COL24A1: variants seen among roughly 807,000 people sequenced by gnomAD.
COL24A1 encodes the protein collagen type XXIV alpha 1 chain.
Under a neutral mutation model 253.9 loss-of-function variants are expected in COL24A1, and 224 were observed. That is an observed-to-expected ratio of 0.88 (90% CI 0.79 to 0.99). The LOEUF (loss-of-function observed/expected upper bound fraction) is 0.99, where lower values mean the gene tolerates loss of function less well. Ranked by LOEUF, COL24A1 falls within the 50% of genes least tolerant of loss-of-function variation. COL24A1 has a pLI of 0.00. For missense variants in COL24A1, 2,131 were observed against 2,068.5 expected, an observed-to-expected ratio of 1.03 and a Z score of -0.59; for synonymous variants, 685 against 673.7, an observed-to-expected ratio of 1.02 and a Z score of -0.26.
chr1:86,143,277 A>G lies in COL24A1; in HGVS notation c.121+2842T>C, dbSNP rs1572067063. ...GAAGCTTAGAGAACTACTGGTCCATAGCAGAGCAGAATTTTAGCATGCAGA... is the reference window on the plus strand; with the variant it reads ...GAAGCTTAGAGAACTACTGGTCCATGGCAGAGCAGAATTTTAGCATGCAGA... On this transcript the variant is annotated intron_variant, in intron 2 of 59. Transcript: ENST00000370571. 3.3e-5 allele frequency among the ~76,000 whole-genome samples: 5 copies of G among 152,236 alleles called. No individual in the cohort carries two copies. The South Asian group carries it at 6.2e-4, about 19-fold the overall frequency.
At chr1:86,082,389 T>C (rs1362571903) in intron 7 of COL24A1, among the ~76,000 whole-genome samples, 1 of 152,122 alleles carries the variant, frequency 6.6e-6, no homozygotes, top group African/African-American at 2.4e-5. Context: ...GCATTATCTA[T>C]GTGTAGATAG....
intron 11 of COL24A1, among the ~76,000 whole-genome samples, chr1:86,047,921 A>G (rs1316137782): frequency 6.6e-6 from 1 of 152,156 alleles, no homozygotes; most frequent in Non-Finnish European, 1.5e-5. Flanking sequence ...CAGGTAAGTT[A>G]GAAGACATCA....
intron 53 of COL24A1, among the ~76,000 whole-genome samples, chr1:85,765,957 A>G (rs764183370): frequency 2.6e-5 from 4 of 152,116 alleles, no homozygotes; most frequent in Non-Finnish European, 5.9e-5. Flanking sequence ...AACTTTCAGG[A>G]TTTATTTGGC....
At chr1:86,007,512 C>T (rs1377784216) in intron 19 of COL24A1, among the ~76,000 whole-genome samples, 1 of 152,186 alleles carries the variant, frequency 6.6e-6, no homozygotes, top group Non-Finnish European at 1.5e-5. Flanking sequence ...AAACCCTGCA[C>T]ATGACTATTT....
rs377533607 is a variant in COL24A1 at position 85,964,501 on chromosome 1, C to T, written c.2517+508G>A. Among the ~76,000 whole-genome samples the T allele has an allele frequency of 7.2e-5, 11 of 152,104 alleles. No homozygotes were observed. The South Asian group carries it at 2.3e-3, about 32-fold the overall frequency. ...AAACCCCAGCAGTTATGGTTTATTG[C>T]CCTGTATGTAACACACAAATCTTAT... is the stretch of plus-strand genomic sequence containing the variant. On this transcript the variant is annotated intron_variant, in intron 23 of 59. Coordinates refer to ENST00000370571, the MANE Select transcript of COL24A1 (RefSeq NM_152890.7).
intron 12 of COL24A1, among the ~76,000 whole-genome samples, chr1:86,043,377 A>C (rs913786364): frequency 7.9e-5 from 12 of 152,220 alleles, no homozygotes; most frequent in South Asian, 6.2e-4. Context: ...TTAGAAAAAA[A>C]CAGAAATATT....
intron 5 of COL24A1, among the ~76,000 whole-genome samples, chr1:86,105,956 C>T (rs191287219): frequency 1.4e-3 from 213 of 152,320 alleles, no homozygotes; most frequent in Middle Eastern, 3.4e-3. Flanking sequence ...CCTCTGTCCA[C>T]TCTCAGTGCC....
intron 7 of COL24A1, among the ~76,000 whole-genome samples, chr1:86,076,099 A>G (rs1193307012): frequency 1.3e-5 from 2 of 152,200 alleles, no homozygotes; most frequent in East Asian, 3.9e-4. Context: ...AGAGGAAGTC[A>G]AATTGTCTCT....
At chr1:85,876,952 T>C (rs962629270) in intron 33 of COL24A1, among the ~76,000 whole-genome samples, 170 bp downstream of exon 33, 4 of 152,212 alleles carry the variant, frequency 2.6e-5, no homozygotes, top group African/African-American at 9.6e-5. Flanking sequence ...ATGTATAAAA[T>C]TAGACATATA....
intron 20 of COL24A1, among the ~76,000 whole-genome samples, chr1:85,974,817 C>T (rs150006447): frequency 2.6e-5 from 4 of 151,982 alleles, no homozygotes; most frequent in African/African-American, 9.6e-5. Context: ...TCCAGTTCTG[C>T]ACTTTACTAG....
intron 19 of COL24A1, among the ~76,000 whole-genome samples, chr1:85,997,944 T>C (rs1473723465): frequency 6.6e-6 from 1 of 152,160 alleles, no homozygotes; most frequent in East Asian, 1.9e-4. Flanking sequence ...TTCCTGTGAA[T>C]GTAGCCAACA....
chr1:86,099,099 C>T (rs1303059673), intron 5 of COL24A1, among the ~76,000 whole-genome samples: 3 of 152,022 alleles, frequency 2.0e-5, no homozygotes, highest in African/African-American at 7.2e-5. Flanking sequence ...TTAAATTCCA[C>T]CAGTATGTGC....
intron 3 of COL24A1, among the ~76,000 whole-genome samples, chr1:86,119,050 T>C (rs1198063364): frequency 6.6e-6 from 1 of 152,212 alleles, no homozygotes; most frequent in Non-Finnish European, 1.5e-5. Context: ...CAATGTTATC[T>C]GATTCATCTT....
intron 11 of COL24A1, among the ~76,000 whole-genome samples, chr1:86,049,174 T>G (rs971824157): frequency 1.3e-5 from 2 of 152,186 alleles, no homozygotes; most frequent in Non-Finnish European, 2.9e-5. Context: ...CAACTTGCTA[T>G]GTTCACCAGG....
At chr1:85,804,662 A>G (rs537487133) in intron 47 of COL24A1, among the ~76,000 whole-genome samples, 1 of 152,178 alleles carries the variant, frequency 6.6e-6, no homozygotes, top group South Asian at 2.1e-4. Flanking sequence ...AAGCCATCAG[A>G]TCTCATGAGA....
intron 7 of COL24A1, among the ~76,000 whole-genome samples, chr1:86,081,005 T>A (rs1283492705): frequency 6.6e-6 from 1 of 152,154 alleles, no homozygotes; most frequent in Non-Finnish European, 1.5e-5. Flanking sequence ...TTTGTTAAAG[T>A]GTTAAAAACT....
rs753462016 is a variant in COL24A1 at position 86,022,956 on chromosome 1, T to C, written c.2101A>G (p.Met701Val). The C allele has an allele frequency of 1.2e-5, 19 of 1,613,158 alleles. No homozygotes were observed. The highest frequency in any genetic ancestry group is 6.7e-5 in the East Asian group (3 of 44,828). The change falls in exon 15 of 60, where the codon ATG (methionine) becomes GTG (valine). Residue 701 changes from methionine to valine, a missense_variant and splice_region_variant. Coordinates refer to ENST00000370571, the MANE Select transcript of COL24A1 (RefSeq NM_152890.7). ...PIGPAGIPGP[M>V]GLSGNKGLPG... The stretch of plus-strand genomic sequence containing the variant: ...CCATTATACAAATAGAACCATACCA[T>C]TGGGCCAGGAATTCCAGCAGGTCCA...
chr1:86,123,342 A>G (rs1647680572), intron 3 of COL24A1, among the ~76,000 whole-genome samples: 1 of 9,760 alleles, frequency 1.0e-4, no homozygotes, highest in African/African-American at 4.9e-4. Context: ...AAAAAATACT[A>G]TTTTTTTAAC....
chr1:86,064,924 C>T (rs1319403370), intron 7 of COL24A1, among the ~76,000 whole-genome samples: 2 of 150,932 alleles, frequency 1.3e-5, no homozygotes, highest in Non-Finnish European at 3.0e-5. Flanking sequence ...CAAGATTAGC[C>T]TAATTACATA....
Sources: allele counts gnomAD v4.1 joint callset (sites outside exome capture counted in the v4.1 genomes callset), GRCh38; gene constraint gnomAD v4.1.1; transcripts MANE v1.5; gene names NCBI Gene and HGNC (gene_info 2026-07-23, HGNC 2026-07-21).